TRAPPC9: variants seen among roughly 807,000 people sequenced by gnomAD.
The protein encoded by TRAPPC9 is IKK2 binding protein.
Under a neutral mutation model 124.0 loss-of-function variants are expected in TRAPPC9, and 83 were observed. The ratio of observed to expected loss-of-function variants is 0.67; its 90% confidence interval spans 0.56 to 0.80. The LOEUF (loss-of-function observed/expected upper bound fraction) is 0.80. Among genes scored for constraint, TRAPPC9 ranks in the 30% least tolerant of loss-of-function variants. The pLI, the probability that TRAPPC9 is intolerant of heterozygous loss-of-function variation, is 0.00. For synonymous variants in TRAPPC9, 638 were observed against 617.5 expected (o/e 1.03, Z -0.49); for missense variants, 1,302 against 1,508.3 (o/e 0.86, Z 2.27).
chr8:139,968,988 G>A (rs1468892576), intron 19 of TRAPPC9, among the ~76,000 whole-genome samples: 1 of 152,222 alleles, frequency 6.6e-6, no homozygotes, highest in African/African-American at 2.4e-5. Context: ...TAGAACAACA[G>A]GAGTCCAGAG....
At chr8:139,934,169 C>G (rs1833370302) in intron 19 of TRAPPC9, among the ~76,000 whole-genome samples, 1 of 152,088 alleles carries the variant, frequency 6.6e-6, no homozygotes, top group Admixed American at 6.5e-5. Context: ...TGTGCCGACA[C>G]TAACAGCCAC....
At chr8:140,374,291 C>T (rs930455134) in intron 7 of TRAPPC9, among the ~76,000 whole-genome samples, 3 of 152,036 alleles carry the variant, frequency 2.0e-5, no homozygotes, top group African/African-American at 7.2e-5. Context: ...AGGGGTTGGC[C>T]GGGCGCAGTG....
chr8:139,935,429 C>T (rs1217779424), intron 19 of TRAPPC9, among the ~76,000 whole-genome samples: 1 of 152,150 alleles, frequency 6.6e-6, no homozygotes, highest in African/African-American at 2.4e-5. Flanking sequence ...TATCCCATGA[C>T]GTTCTTACAG....
chr8:140,205,730 G>A (rs918289437), intron 17 of TRAPPC9, among the ~76,000 whole-genome samples: 4 of 152,144 alleles, frequency 2.6e-5, no homozygotes, highest in African/African-American at 9.7e-5. Context: ...GCAGGCCTGG[G>A]CAACCTAATT....
intron 17 of TRAPPC9, among the ~76,000 whole-genome samples, chr8:140,150,848 G>A (rs558392738): frequency 1.5e-5 from 2 of 136,792 alleles, no homozygotes; most frequent in South Asian, 2.2e-4. Context: ...CTTGCAGCTT[G>A]TTTTTGTTTT....
At chr8:140,284,094 G>A (rs1195507023) in intron 13 of TRAPPC9, 73 bp from the exon 14 acceptor site, 33 of 1,594,672 alleles carry the variant, frequency 2.1e-5, no homozygotes, top group Middle Eastern at 3.8e-4. Flanking sequence ...GAAGCAGTGC[G>A]AAGAGTACGG....
intron 17 of TRAPPC9, among the ~76,000 whole-genome samples, chr8:140,186,696 T>C (rs2062362177): frequency 6.6e-6 from 1 of 152,266 alleles, no homozygotes; most frequent in Admixed American, 6.5e-5. Context: ...CTGCATCTCT[T>C]CATTACTCTT....
At chr8:140,089,361 G>C (rs977979222) in intron 17 of TRAPPC9, among the ~76,000 whole-genome samples, 1 of 152,130 alleles carries the variant, frequency 6.6e-6, no homozygotes, top group Non-Finnish European at 1.5e-5. Flanking sequence ...AGACTTGCTC[G>C]GGTTTTAGAA....
chr8:139,782,183 T>C (rs1821872542), intron 21 of TRAPPC9, among the ~76,000 whole-genome samples: 1 of 152,060 alleles, frequency 6.6e-6, no homozygotes, highest in African/African-American at 2.4e-5. Context: ...AGTTTGAGAC[T>C]AGCCTGGCCA....
At chr8:139,995,314 C>A (rs1179279973) in intron 18 of TRAPPC9, among the ~76,000 whole-genome samples, 1 of 152,188 alleles carries the variant, frequency 6.6e-6, no homozygotes. Flanking sequence ...TATGAAGGGC[C>A]ACAGAAAGTA....
In TRAPPC9 at chr8:140,257,183, T is replaced by C. The variant is rs1489002295; in HGVS notation, c.2279-4254A>G. On this transcript the variant is annotated intron_variant, in intron 15 of 22. Transcript: ENST00000438773. The surrounding 1 kb of genome is among the most constrained non-coding windows in gnomAD (Gnocchi z 4.6). ...GCCAGCATTATCCACATCATATGAATGAGCAAACTAGAGTTCAGAGAGATC... is the reference window on the plus strand; with the variant it reads ...GCCAGCATTATCCACATCATATGAACGAGCAAACTAGAGTTCAGAGAGATC... Among the ~76,000 whole-genome samples the C allele has an allele frequency of 6.6e-6, 1 of 152,210 alleles. No individual in the cohort carries two copies. Among genetic ancestry groups the C allele is most frequent in the East Asian group, 1.9e-4 (1 of 5,198 alleles).
rs117493776 is a variant in TRAPPC9 at position 140,158,370 on chromosome 8, C to T, written c.2556+63089G>A. ...AAGGAAGCAGGAATGTCAGAGGAAACTGAATGTGCAACACTGCAAGCTCTG... is the reference window on the plus strand; with the variant it reads ...AAGGAAGCAGGAATGTCAGAGGAAATTGAATGTGCAACACTGCAAGCTCTG... On this transcript the variant is annotated intron_variant, in intron 17 of 22. Coordinates refer to ENST00000438773, the MANE Select transcript of TRAPPC9 (RefSeq NM_001160372.4). Among the ~76,000 whole-genome samples, 1,431 of 152,250 alleles carry T rather than the reference C, an allele frequency of 9.4e-3. 5 individuals are homozygous for T. Among genetic ancestry groups the T allele is most frequent in the Middle Eastern group, 0.031 (9 of 294 alleles).
chr8:140,278,773 C>G (rs1166080173), intron 14 of TRAPPC9, among the ~76,000 whole-genome samples: 2 of 152,220 alleles, frequency 1.3e-5, no homozygotes, highest in African/African-American at 4.8e-5. Flanking sequence ...TCTGGGCACC[C>G]GCGACTCCCA....
intron 17 of TRAPPC9, among the ~76,000 whole-genome samples, chr8:140,181,964 T>C (rs953923808): frequency 1.3e-5 from 2 of 152,162 alleles, no homozygotes; most frequent in African/African-American, 2.4e-5. Context: ...TGCTAGGCCA[T>C]GGCATGCTTC....
chr8:140,149,222 C>T (rs1231508698), intron 17 of TRAPPC9, among the ~76,000 whole-genome samples: 1 of 152,146 alleles, frequency 6.6e-6, no homozygotes, highest in Non-Finnish European at 1.5e-5. Context: ...TGAGTCCCAA[C>T]AGCAGCATGG....
rs1554678277 is a variant in TRAPPC9 at position 139,947,894 on chromosome 8, G to GTGTGTATATATATATATATA, written c.2811-37595_2811-37594insTATATATATATATATACACA. On this transcript the variant is annotated intron_variant, in intron 19 of 22. Coordinates refer to ENST00000438773, the MANE Select transcript of TRAPPC9 (RefSeq NM_001160372.4). ...AAAAAAAAAAAAAAGAAATATGTGTGTATATATATATATAGAGAGAGAGAG... is the reference window on the plus strand; with the variant it reads ...AAAAAAAAAAAAAAGAAATATGTGTGTGTGTATATATATATATATATATATATATATATAGAGAGAGAGAG... 8.1e-4 allele frequency among the ~76,000 whole-genome samples: 53 copies of GTGTGTATATATATATATATA among 65,816 alleles called. 5 individuals carry two copies. The highest frequency in any genetic ancestry group is 9.8e-4 in the Non-Finnish European group (33 of 33,828). The allele number at this position is 65,816 out of a possible 152,430, so 43.2% of individuals were successfully genotyped here.
At chr8:139,794,264 C>T (rs903624350) in intron 21 of TRAPPC9, among the ~76,000 whole-genome samples, 6 of 152,212 alleles carry the variant, frequency 3.9e-5, no homozygotes, top group Non-Finnish European at 5.9e-5. Context: ...GGTCCCCTAA[C>T]GATGTGCCGT....
chr8:139,861,222 C>G (rs1454973400), intron 21 of TRAPPC9, among the ~76,000 whole-genome samples: 2 of 152,232 alleles, frequency 1.3e-5, no homozygotes, highest in Admixed American at 6.5e-5. Context: ...CACACCTGGA[C>G]AGGGGAGGGG....
At chr8:140,030,947 A>G (rs1316412008) in intron 17 of TRAPPC9, among the ~76,000 whole-genome samples, 3 of 152,212 alleles carry the variant, frequency 2.0e-5, no homozygotes, top group African/African-American at 7.2e-5. Flanking sequence ...CATGGAGTAT[A>G]TATTTGTCAC....
Sources: gnomAD v4.1 joint callset for allele counts (sites outside exome capture counted in the v4.1 genomes callset) on GRCh38, gnomAD v4.1.1 for gene constraint, Gnocchi (gnomAD v3.1) non-coding constraint, MANE v1.5 for transcripts, NCBI Gene and HGNC (gene_info 2026-07-23, HGNC 2026-07-21) for gene names.